FYN: variants seen among roughly 807,000 people sequenced by gnomAD.
The protein encoded by FYN is tyrosine-protein kinase Fyn.
In FYN, 10 loss-of-function variants were observed where a neutral mutation model predicts 70.2. The observed-to-expected ratio is 0.14, with a 90% CI of 0.09 to 0.24. The LOEUF is 0.24. Ranked by LOEUF, FYN falls within the 10% of genes least tolerant of loss-of-function variation. The pLI is 1.00. For missense variants in FYN, 319 were observed against 673.1 expected (o/e 0.47, Z 5.82); for synonymous variants, 236 against 248.6 (o/e 0.95, Z 0.48).
chr6:111,673,363 G>A (rs1798382515), intron 13 of FYN, among the ~76,000 whole-genome samples: 1 of 152,042 alleles, frequency 6.6e-6, no homozygotes, highest in Non-Finnish European at 1.5e-5. Flanking sequence ...TCAGAGACTG[G>A]GAATTTGTCA....
chr6:111,867,480 A>AAAG (rs1562551337), intron 1 of FYN, among the ~76,000 whole-genome samples: 9 of 150,022 alleles, frequency 6.0e-5, no homozygotes, highest in Non-Finnish European at 4.4e-5. Context: ...AAAAAAAAAA[A>AAAG]AAGACCTAGT....
intron 12 of FYN, among the ~76,000 whole-genome samples, chr6:111,690,298 CAGGGG>C (rs1355154134): frequency 2.0e-5 from 3 of 152,042 alleles, no homozygotes; most frequent in African/African-American, 7.2e-5. Flanking sequence ...GACCAGAACT[CAGGGG>C]AGGGCTGGAA....
chr6:111,841,959 C>T lies in FYN; in HGVS notation c.-82+4630G>A, dbSNP rs368854507. Among the ~76,000 whole-genome samples the T allele has an allele frequency of 5.5e-4, 84 of 151,824 alleles. 1 individual carries two copies. The highest frequency in any genetic ancestry group is 1.9e-3 in the African/African-American group (80 of 41,270). ...ACAATGATTGCCTTTGAGTCTAAAA[C>T]AGAATTCTAAGCATGTCCCTTCCTC... On this transcript the variant is annotated intron_variant, in intron 2 of 13. Transcript: ENST00000354650.
intron 1 of FYN, among the ~76,000 whole-genome samples, chr6:111,863,814 C>G (rs999971274): frequency 4.6e-5 from 7 of 152,186 alleles, no homozygotes; most frequent in Admixed American, 3.3e-4. Flanking sequence ...GATTTATGAT[C>G]CCGGGCCCCT....
intron 12 of FYN, among the ~76,000 whole-genome samples, chr6:111,691,213 G>C (rs1043451391): frequency 6.6e-5 from 10 of 152,176 alleles, no homozygotes; most frequent in East Asian, 1.9e-4. Context: ...ATGGTGCGAA[G>C]TAAGGAGCAC....
At chr6:111,700,397 G>A (rs190446967) in intron 8 of FYN, 129 bp from the exon 9 acceptor site, 17 of 842,302 alleles carry the variant, frequency 2.0e-5, no homozygotes, top group East Asian at 1.3e-4. Context: ...ACCAGCAGAC[G>A]ACCACACACA....
intron 2 of FYN, among the ~76,000 whole-genome samples, chr6:111,785,669 CTTTT>C (rs370923944): frequency 6.7e-6 from 1 of 148,570 alleles, no homozygotes; most frequent in African/African-American, 2.5e-5. Flanking sequence ...TTCTTTTTTT[CTTTT>C]TTTTTTATTA....
In FYN at chr6:111,661,733, C is replaced by A; in HGVS notation, c.*6G>T. 1 of 1,612,536 alleles carries A rather than the reference C, an allele frequency of 6.2e-7. No individual in the cohort carries two copies. Among genetic ancestry groups the A allele is most frequent in the South Asian group, 1.1e-5 (1 of 90,898 alleles). ...GGGACAAGGCCTCTCTCCGCAGACC[C>A]GGGCCTTACAGGTTTTCACCAGGTT... On this transcript the variant is annotated 3_prime_UTR_variant, in exon 14 of 14. Coordinates refer to ENST00000354650, the MANE Select transcript of FYN (RefSeq NM_002037.5). This position sits in a 1 kb window ranked among gnomAD's most constrained non-coding sequence, Gnocchi z 4.0.
intron 5 of FYN, among the ~76,000 whole-genome samples, chr6:111,712,355 T>C (rs1800421238): frequency 6.6e-6 from 1 of 152,092 alleles, no homozygotes; most frequent in Non-Finnish European, 1.5e-5. Context: ...GTTAATGGAC[T>C]CCAACAAGCA....
chr6:111,820,279 A>G (rs536747396), intron 2 of FYN, among the ~76,000 whole-genome samples: 84 of 152,350 alleles, frequency 5.5e-4, no homozygotes, highest in African/African-American at 2.0e-3. Flanking sequence ...TTAAAGATAA[A>G]TGATATTTTT....
intron 2 of FYN, among the ~76,000 whole-genome samples, chr6:111,840,974 T>C (rs537429989): frequency 2.0e-5 from 3 of 152,314 alleles, no homozygotes; most frequent in South Asian, 4.1e-4. Context: ...ACAAAGTATG[T>C]AGGTGAGAGC....
intron 2 of FYN, among the ~76,000 whole-genome samples, chr6:111,802,010 A>G (rs1021200312): frequency 1.3e-5 from 2 of 152,238 alleles, no homozygotes; most frequent in African/African-American, 4.8e-5. Context: ...CTTGGCAGAT[A>G]AGCAATATAC....
chr6:111,715,838 T>C (rs1440269576), intron 4 of FYN, among the ~76,000 whole-genome samples: 2 of 152,226 alleles, frequency 1.3e-5, no homozygotes, highest in African/African-American at 4.8e-5. Flanking sequence ...ATTTAGGTTT[T>C]ATAATTTTAA....
At chr6:111,732,497 G>A (rs190785955) in intron 3 of FYN, among the ~76,000 whole-genome samples, 15 of 152,262 alleles carry the variant, frequency 9.9e-5, no homozygotes, top group South Asian at 2.1e-4. Flanking sequence ...GGGTGAAGGC[G>A]GGTGAAGGCA....
chr6:111,867,458 G>GGAAAAAA (rs1359978028), intron 1 of FYN, among the ~76,000 whole-genome samples: 1 of 70,464 alleles, frequency 1.4e-5, no homozygotes, highest in African/African-American at 5.5e-5. Flanking sequence ...TCCGTCTCGG[G>GGAAAAAA]AAAAAAAAAA....
At chr6:111,859,980 C>T (rs1294010597) in intron 1 of FYN, among the ~76,000 whole-genome samples, 3 of 152,090 alleles carry the variant, frequency 2.0e-5, no homozygotes, top group Admixed American at 6.6e-5. Flanking sequence ...GGAAAATACC[C>T]TGTGAAGATG....
intron 3 of FYN, among the ~76,000 whole-genome samples, chr6:111,748,176 G>T (rs1219933402): frequency 6.6e-6 from 1 of 152,210 alleles, no homozygotes; most frequent in Non-Finnish European, 1.5e-5. Context: ...TTATTTCTTA[G>T]AAGATTGTTA....
At chr6:111,808,978 G>C (rs148341973) in intron 2 of FYN, among the ~76,000 whole-genome samples, 1 of 152,044 alleles carries the variant, frequency 6.6e-6, no homozygotes, top group Non-Finnish European at 1.5e-5. Context: ...TGTTAAACTC[G>C]GTAAGTGTTT....
chr6:111,713,776 A>C lies in FYN; in HGVS notation c.344+571T>G, dbSNP rs188558380. Among the ~76,000 whole-genome samples, 7 of 152,338 alleles carry C rather than the reference A, an allele frequency of 4.6e-5. No individual in the cohort carries two copies. The East Asian group carries it at 1.3e-3, about 29-fold the overall frequency. On this transcript the variant is annotated intron_variant, in intron 5 of 13. Coordinates refer to ENST00000354650, the MANE Select transcript of FYN (RefSeq NM_002037.5). The stretch of plus-strand genomic sequence containing the variant: ...CCTGGCCAACATTAAACAACCATGC[A>C]GCATATTCATTCAAGAGTGGGTAAA...
Sources: gnomAD v4.1 joint callset for allele counts (sites outside exome capture counted in the v4.1 genomes callset) on GRCh38, gnomAD v4.1.1 for gene constraint, Gnocchi (gnomAD v3.1) non-coding constraint, MANE v1.5 for transcripts, NCBI Gene and HGNC (gene_info 2026-07-23, HGNC 2026-07-21) for gene names.